The following FAM20A variants were observed in gnomAD, a reference collection of about 807,000 sequenced individuals.
FAM20A encodes the protein pseudokinase FAM20A.
Under a neutral mutation model 52.0 loss-of-function variants are expected in FAM20A, and 42 were observed. That is an observed-to-expected ratio of 0.81 (90% CI 0.63 to 1.04). The LOEUF (loss-of-function observed/expected upper bound fraction) is 1.04. FAM20A is among the 50% of genes least tolerant of loss of function. The pLI is 0.00. For missense variants in FAM20A, 742 were observed against 712.7 expected, an observed-to-expected ratio of 1.04 and a Z score of -0.47; for synonymous variants, 304 against 298.9, an observed-to-expected ratio of 1.02 and a Z score of -0.18.
intron 1 of FAM20A, among the ~76,000 whole-genome samples, chr17:68,566,244 C>A (rs972477353): frequency 1.3e-5 from 2 of 152,158 alleles, no homozygotes; most frequent in African/African-American, 4.8e-5. Flanking sequence ...GTGATTTAGG[C>A]ATATTTCTCA....
At chr17:68,551,652 G>A (rs948927359) in intron 4 of FAM20A, among the ~76,000 whole-genome samples, 1 of 151,374 alleles carries the variant, frequency 6.6e-6, no homozygotes, top group South Asian at 2.1e-4. Context: ...ATAGATGATA[G>A]TAAGGGCCTG....
Position 68,600,135 on chromosome 17 carries a change from G to C in FAM20A, c.404+128C>G, listed in dbSNP as rs2088571297. ...GTGGGGAACACACTCTAAGCCCAGC[G>C]CCAGGGCTGGAGCCGTGGGTGGAGC... On this transcript the variant is annotated intron_variant, in intron 1 of 10. Transcript: ENST00000592554. The surrounding 1 kb of genome is among the most constrained non-coding windows in gnomAD (Gnocchi z 6.2). 2.7e-6 allele frequency: 3 copies of C among 1,129,046 alleles called. No individual in the cohort carries two copies. Among genetic ancestry groups the C allele is most frequent in the Non-Finnish European group, 3.7e-6 (3 of 812,992 alleles). 69.9% of individuals were successfully genotyped at this position (1,129,046 alleles called of 1,614,324 possible). A position where few individuals can be genotyped will look rare whatever the true frequency, so the allele number is the denominator to read the frequency against.
chr17:68,544,936 A>G (rs560627086), intron 4 of FAM20A, among the ~76,000 whole-genome samples: 2 of 152,342 alleles, frequency 1.3e-5, no homozygotes, highest in East Asian at 3.9e-4. Flanking sequence ...ACTTTAGATC[A>G]GTGCTTCTCA....
intron 1 of FAM20A, among the ~76,000 whole-genome samples, chr17:68,583,790 C>T (rs1433010232): frequency 6.6e-6 from 1 of 152,078 alleles, no homozygotes; most frequent in Non-Finnish European, 1.5e-5. Flanking sequence ...GTAGTCCCAG[C>T]TACTTGGGAG....
chr17:68,570,566 T>C (rs1011902739), intron 1 of FAM20A, among the ~76,000 whole-genome samples: 1 of 152,224 alleles, frequency 6.6e-6, no homozygotes, highest in East Asian at 1.9e-4. Flanking sequence ...TTTGCTATAA[T>C]GTTAAAATTT....
chr17:68,571,987 CATATAT>C (rs57442973), intron 1 of FAM20A, among the ~76,000 whole-genome samples: 1,207 of 43,188 alleles, frequency 0.028, 24 homozygotes, highest in Non-Finnish European at 0.029. Flanking sequence ...TATATACATA[CATATAT>C]ATATATATAT....
At chr17:68,585,320 G>GCTTA (rs1375469026) in intron 1 of FAM20A, among the ~76,000 whole-genome samples, 2 of 50,354 alleles carry the variant, frequency 4.0e-5, no homozygotes, top group African/African-American at 2.2e-4. Context: ...CAAACACTAT[G>GCTTA]TTTATTAATA....
intron 1 of FAM20A, among the ~76,000 whole-genome samples, chr17:68,556,623 A>G (rs984988157): frequency 1.3e-5 from 2 of 152,132 alleles, no homozygotes; most frequent in Admixed American, 6.5e-5. Flanking sequence ...GTACTCCTGC[A>G]TTAAGGACAA....
At chr17:68,589,645 G>A (rs2088249158) in intron 1 of FAM20A, among the ~76,000 whole-genome samples, 1 of 152,092 alleles carries the variant, frequency 6.6e-6, no homozygotes, top group Admixed American at 6.6e-5. Context: ...TTCAAATATT[G>A]CAAATCAGTG....
chr17:68,553,058 C>T (rs1251384676), intron 3 of FAM20A, among the ~76,000 whole-genome samples: 1 of 152,122 alleles, frequency 6.6e-6, no homozygotes, highest in African/African-American at 2.4e-5. Context: ...ATTGTAATCC[C>T]CTTGTCTCAA....
Position 68,600,442 on chromosome 17 carries a change from C to T in FAM20A, c.225G>A (p.Glu75=), listed in dbSNP as rs764564897. The T allele has an allele frequency of 6.2e-6, 10 of 1,611,114 alleles. No individual in the cohort carries two copies. The highest frequency in any genetic ancestry group is 2.2e-5 in the East Asian group (1 of 44,772). ...GTIVHNFSRT[E]PRTEPAGGSH... ...TGCCGCCAGCCGGTTCAGTCCGGGGCTCGGTTCGGGAAAAGTTGTGCACGA... is the reference window on the plus strand; with the variant it reads ...TGCCGCCAGCCGGTTCAGTCCGGGGTTCGGTTCGGGAAAAGTTGTGCACGA... The change falls in exon 1 of 11, where the codon GAG becomes GAA. Residue 75 remains glutamate, a synonymous_variant. Transcript: ENST00000592554. The surrounding 1 kb of genome is among the most constrained non-coding windows in gnomAD (Gnocchi z 6.2).
intron 1 of FAM20A, among the ~76,000 whole-genome samples, chr17:68,581,881 A>C (rs1365879810): frequency 6.6e-6 from 1 of 152,102 alleles, no homozygotes; most frequent in Non-Finnish European, 1.5e-5. Flanking sequence ...GCCAAAATCC[A>C]GTTTCTTGTG....
At chr17:68,567,699 T>A (rs539448781) in intron 1 of FAM20A, among the ~76,000 whole-genome samples, 50 of 152,020 alleles carry the variant, frequency 3.3e-4, no homozygotes, top group Non-Finnish European at 2.6e-4. Flanking sequence ...TGTACTCTGA[T>A]ATGGTTTGGT....
chr17:68,554,570 G>T (rs1390490476), intron 3 of FAM20A, among the ~76,000 whole-genome samples: 1 of 152,188 alleles, frequency 6.6e-6, no homozygotes, highest in Non-Finnish European at 1.5e-5. Context: ...CCTGGGCCAC[G>T]CATTGCCCAG....
In FAM20A at chr17:68,565,383, C is replaced by CTTTTTTTTTTTTT. The variant is rs796800181; in HGVS notation, c.405-9653_405-9641dup. Among the ~76,000 whole-genome samples, 47 of 103,792 alleles carry CTTTTTTTTTTTTT rather than the reference C, an allele frequency of 4.5e-4. 3 individuals are homozygous for CTTTTTTTTTTTTT. The highest frequency in any genetic ancestry group is 1.9e-3 in the African/African-American group (43 of 22,982). The allele number at this position is 103,792 out of a possible 152,430, so 68.1% of individuals were successfully genotyped here. ...CCTGGAGTTTAACCTCCATTACCTC[C>CTTTTTTTTTTTTT]TTTTTTTTTTTTTTTTTTTTTTTTT... is the stretch of plus-strand genomic sequence containing the variant. On this transcript the variant is annotated intron_variant, in intron 1 of 10. Coordinates refer to ENST00000592554, the MANE Select transcript of FAM20A (RefSeq NM_017565.4).
At chr17:68,558,176 C>T (rs771934911) in intron 1 of FAM20A, among the ~76,000 whole-genome samples, 3 of 152,102 alleles carry the variant, frequency 2.0e-5, no homozygotes, top group Non-Finnish European at 2.9e-5. Context: ...GAATGCTTCC[C>T]GGCTGAAGCC....
chr17:68,542,880 GC>G lies in FAM20A; in HGVS notation c.813-72del, dbSNP rs1207451083. 3.3e-6 allele frequency: 4 copies of G among 1,194,554 alleles called. 1 individual carries two copies. The African/African-American group carries it at 6.0e-5, about 18-fold the overall frequency. 74.0% of individuals were successfully genotyped at this position (1,194,554 alleles called of 1,614,324 possible). A position where few individuals can be genotyped will look rare whatever the true frequency, so the allele number is the denominator to read the frequency against. On this transcript the variant is annotated intron_variant, in intron 5 of 10. Coordinates refer to ENST00000592554, the MANE Select transcript of FAM20A (RefSeq NM_017565.4). ...TGAGGAGGAGGGGTTTTGTCCCCCG[GC>G]CAGTGCACATTAGGAATTGGCTGGT...
intron 1 of FAM20A, among the ~76,000 whole-genome samples, chr17:68,573,332 A>G (rs2087618050): frequency 6.6e-6 from 1 of 152,260 alleles, no homozygotes; most frequent in Non-Finnish European, 1.5e-5. Flanking sequence ...AATGAATTAA[A>G]GTTTATGTTT....
intron 1 of FAM20A, among the ~76,000 whole-genome samples, chr17:68,597,878 A>T (rs7218338): frequency 0.023 from 3,487 of 152,170 alleles, 112 homozygotes; most frequent in African/African-American, 0.08. Context: ...CCCTGTCTTC[A>T]TCAGCACTGC....
Sources: gnomAD v4.1 joint callset for allele counts (sites outside exome capture counted in the v4.1 genomes callset) on GRCh38, gnomAD v4.1.1 for gene constraint, Gnocchi (gnomAD v3.1) non-coding constraint, MANE v1.5 for transcripts, NCBI Gene and HGNC (gene_info 2026-07-23, HGNC 2026-07-21) for gene names.